NDUFA10: variants seen among roughly 807,000 people sequenced by gnomAD.
The protein encoded by NDUFA10 is NADH dehydrogenase [ubiquinone] 1 alpha subcomplex subunit 10, mitochondrial.
Under a neutral mutation model 47.8 loss-of-function variants are expected in NDUFA10, and 40 were observed. The observed-to-expected ratio is 0.84, with a 90% CI of 0.65 to 1.09. NDUFA10 has a LOEUF of 1.09. Among genes scored for constraint, NDUFA10 ranks in the 50% least tolerant of loss-of-function variants. The probability of loss-of-function intolerance (pLI) is 0.00; values close to 1 mark genes in which losing one functional copy is unlikely to be tolerated. For missense variants in NDUFA10, 413 were observed against 451.1 expected (o/e 0.92, Z 0.76); for synonymous variants, 183 against 172.2 (o/e 1.06, Z -0.49).
rs923259317 is a variant in NDUFA10, at chr2:239,915,384, GATACAC to G, written c.295-20076_295-20071del. 2.0e-5 allele frequency among the ~76,000 whole-genome samples: 2 copies of G among 100,274 alleles called. 1 individual carries two copies. Among genetic ancestry groups the G allele is most frequent in the Non-Finnish European group, 4.0e-5 (2 of 50,080 alleles). 65.8% of individuals were successfully genotyped at this position (100,274 alleles called of 152,430 possible). A position where few individuals can be genotyped will look rare whatever the true frequency, so the allele number is the denominator to read the frequency against. On this transcript the variant is annotated intron_variant, in intron 4 of 5. Transcript: ENST00000419408. Reference sequence around the variant, plus strand: ...ATATACAGACACACACAGAGACAGAGATACACATACATACACACAGAACACACACAT... The same window carrying G: ...ATATACAGACACACACAGAGACAGAGATACATACACACAGAACACACACAT...
intron 7 of NDUFA10, among the ~76,000 whole-genome samples, chr2:240,005,532 T>C (rs1378221224): frequency 6.6e-6 from 1 of 152,014 alleles, no homozygotes; most frequent in Non-Finnish European, 1.5e-5. Context: ...GATGTTTGTA[T>C]TTTTAGTAGA....
intron 9 of NDUFA10, among the ~76,000 whole-genome samples, chr2:239,974,585 T>G (rs4854064): frequency 0.57 from 86,978 of 152,116 alleles, 25,043 homozygotes; most frequent in Admixed American, 0.6. Flanking sequence ...TCATGCGGGC[T>G]GATCCCTCAT....
At chr2:240,002,056 G>A (rs569031759) in intron 8 of NDUFA10, among the ~76,000 whole-genome samples, 18 of 152,230 alleles carry the variant, frequency 1.2e-4, no homozygotes, top group Non-Finnish European at 2.1e-4. Context: ...GAAGGCCGGC[G>A]CAGTGGCTCC....
chr2:240,005,290 T>A lies in NDUFA10; in HGVS notation c.810A>T (p.Val270=), dbSNP rs1397138466. ...CGAACTTCAGGTATTCAATGTCCTC[T>A]ACCACCTAAGACAGGAAAAATTCCA... ...AREAQDSKKV[V]EDIEYLKFDK... The change falls in exon 8 of 10, where the codon GTA becomes GTT. Residue 270 remains valine (V), a synonymous_variant. Transcript: ENST00000252711. 6.2e-7 allele frequency: 1 copy of A among 1,613,456 alleles called. No homozygotes were observed. Among genetic ancestry groups the A allele is most frequent in the Non-Finnish European group, 8.5e-7 (1 of 1,179,498 alleles).
At chr2:240,002,791 A>C (rs1473048175) in intron 8 of NDUFA10, among the ~76,000 whole-genome samples, 1 of 151,846 alleles carries the variant, frequency 6.6e-6, no homozygotes, top group Non-Finnish European at 1.5e-5. Context: ...AAGTAGAATG[A>C]CTAGTTTTTT....
rs1336228882 is a variant in NDUFA10 at position 239,928,675 on chromosome 2, T to C, written c.295-33361A>G. ...TCCCAAGCTGTCTCCAAGCCCTGCC[T>C]CACCTGCTCCAGAGGCACCCAGCCA... On this transcript the variant is annotated intron_variant, in intron 4 of 5. Coordinates refer to the NDUFA10 transcript ENST00000419408. The surrounding 1 kb of genome is among the most constrained non-coding windows in gnomAD (Gnocchi z 4.3). Among the ~76,000 whole-genome samples the C allele has an allele frequency of 1.3e-5, 2 of 152,128 alleles. No individual in the cohort carries two copies. Among genetic ancestry groups the C allele is most frequent in the Admixed American group, 6.5e-5 (1 of 15,274 alleles).
downstream of NDUFA10, among the ~76,000 whole-genome samples, chr2:239,954,974 T>C (rs1694626036): frequency 6.6e-6 from 1 of 152,246 alleles, no homozygotes. Context: ...CGGGGATTTC[T>C]AGGCAGCTGG....
chr2:239,972,215 TATAA>T (rs1246150081), intron 9 of NDUFA10, among the ~76,000 whole-genome samples: 52 of 152,138 alleles, frequency 3.4e-4, no homozygotes, highest in African/African-American at 1.0e-3. Context: ...ATATTATACA[TATAA>T]ATAAATATGT....
At chr2:239,903,264 ACACCTTT>A (rs1457139793) in intron 4 of NDUFA10, among the ~76,000 whole-genome samples, 1 of 152,108 alleles carries the variant, frequency 6.6e-6, no homozygotes, top group Non-Finnish European at 1.5e-5. Flanking sequence ...GGACCCTAAA[ACACCTTT>A]CAGGAATGTG....
chr2:239,943,495 T>C (rs1162333774), intron 4 of NDUFA10, among the ~76,000 whole-genome samples: 2 of 152,188 alleles, frequency 1.3e-5, no homozygotes, highest in African/African-American at 4.8e-5. Flanking sequence ...CCACTACACC[T>C]GGTCTTTGGC....
chr2:239,949,402 G>A lies in NDUFA10; in HGVS notation c.294+40672C>T, dbSNP rs568194226. 5.3e-5 allele frequency among the ~76,000 whole-genome samples: 8 copies of A among 152,206 alleles called. No homozygotes were observed. The East Asian group carries it at 5.8e-4, about 11-fold the overall frequency. On this transcript the variant is annotated intron_variant, in intron 4 of 5. Transcript: ENST00000419408. The stretch of plus-strand genomic sequence containing the variant: ...GATCAGCATGTGACCTGGTGGATTC[G>A]GGAAGGCAGGCGGCACTCCCCAGCG...
At chr2:239,997,930 T>C (rs1473659320) in intron 8 of NDUFA10, among the ~76,000 whole-genome samples, 1 of 152,260 alleles carries the variant, frequency 6.6e-6, no homozygotes, top group Admixed American at 6.5e-5. Flanking sequence ...CAATCAATGG[T>C]AAGTGCAGCA....
chr2:240,005,772 T>C (rs1334737736), intron 7 of NDUFA10, among the ~76,000 whole-genome samples: 1 of 152,104 alleles, frequency 6.6e-6, no homozygotes, highest in Non-Finnish European at 1.5e-5. Context: ...TGGGGTTGAG[T>C]GTTGCATCAC....
intron 9 of NDUFA10, among the ~76,000 whole-genome samples, chr2:239,982,786 GA>G (rs1695828435): frequency 6.6e-6 from 1 of 152,214 alleles, no homozygotes; most frequent in Non-Finnish European, 1.5e-5. Context: ...TCAAAAGAAG[GA>G]AAAGAGTTGG....
In NDUFA10 at chr2:239,961,182, G is replaced by A. The variant is rs747373667; in HGVS notation, c.1004C>T (p.Pro335Leu). 16 of 1,601,634 alleles carry A rather than the reference G, an allele frequency of 1.0e-5. No individual in the cohort carries two copies. The highest frequency in any genetic ancestry group is 3.4e-5 in the Admixed American group (2 of 58,570). The change falls in exon 10 of 10, where the codon CCG becomes CTG. Residue 335 changes from proline (P) to leucine (L), a missense_variant. Transcript: ENST00000252711. ...GTACCCAGGGCTGTACTTGCGGCCC[G>A]GCAGCTGTGGGGGAAAAAGGCATTG... ...DRVLHQFRELPGRKYSPGYNT... is the reference protein window; with the variant it reads ...DRVLHQFRELLGRKYSPGYNT...
chr2:239,986,055 T>C (rs932741371), intron 9 of NDUFA10, among the ~76,000 whole-genome samples: 8 of 150,698 alleles, frequency 5.3e-5, no homozygotes, highest in Non-Finnish European at 1.2e-4. Flanking sequence ...TATAAATGCA[T>C]AAAACCAAGT....
intron 4 of NDUFA10, chr2:240,018,319 C>A: frequency 1.6e-6 from 2 of 1,271,684 alleles, no homozygotes; most frequent in Non-Finnish European, 1.1e-6. Flanking sequence ...AGGTCCAGGG[C>A]TCCAATCTGC....
chr2:239,949,536 T>C (rs1361375451), intron 4 of NDUFA10, among the ~76,000 whole-genome samples: 1 of 152,206 alleles, frequency 6.6e-6, no homozygotes, highest in Non-Finnish European at 1.5e-5. Flanking sequence ...TGTTTGTTTG[T>C]TTTTTAGAGA....
At chr2:239,908,385 G>A (rs371353675) in intron 4 of NDUFA10, among the ~76,000 whole-genome samples, 3 of 152,100 alleles carry the variant, frequency 2.0e-5, no homozygotes, top group South Asian at 2.1e-4. Context: ...ACCCTAGAAC[G>A]TAAAGCATAA....
Sources: gnomAD v4.1 joint callset for allele counts (sites outside exome capture counted in the v4.1 genomes callset) on GRCh38, gnomAD v4.1.1 for gene constraint, Gnocchi (gnomAD v3.1) non-coding constraint, MANE v1.5 for transcripts, NCBI Gene and HGNC (gene_info 2026-07-23, HGNC 2026-07-21) for gene names.